Variants in SOX5 observed in about 807,000 individuals in gnomAD.
SOX5 encodes the protein SRY-box transcription factor 5.
In SOX5, 9 loss-of-function variants were observed where a neutral mutation model predicts 92.0. The ratio of observed to expected loss-of-function variants is 0.10; its 90% confidence interval spans 0.06 to 0.17. The LOEUF (loss-of-function observed/expected upper bound fraction) is 0.17, where lower values mean the gene tolerates loss of function less well. SOX5 is among the 10% of genes least tolerant of loss of function. The pLI is 1.00. For missense variants in SOX5, 642 were observed against 944.5 expected (o/e 0.68, Z 4.20); for synonymous variants, 344 against 336.3 (o/e 1.02, Z -0.25).
chr12:23,810,973 G>GGGC (rs1333200925), intron 3 of SOX5, among the ~76,000 whole-genome samples: 3 of 151,994 alleles, frequency 2.0e-5, no homozygotes, highest in Non-Finnish European at 4.4e-5. Flanking sequence ...CATTTCAAAT[G>GGGC]GTTGCCAAAA....
chr12:24,163,045 C>T (rs1262576256), intron 4 of SOX5, among the ~76,000 whole-genome samples: 1 of 152,040 alleles, frequency 6.6e-6, no homozygotes, highest in African/African-American at 2.4e-5. Flanking sequence ...GCCCTAAGGA[C>T]GTAAGCTGGA....
chr12:23,920,184 C>T (rs1317209778), intron 1 of SOX5: 6 of 152,056 alleles, frequency 3.9e-5, no homozygotes, highest in African/African-American at 9.7e-5. Context: ...TAATAAACTT[C>T]GAAATAGAAA....
intron 3 of SOX5, among the ~76,000 whole-genome samples, chr12:24,266,621 T>C (rs758009469): frequency 1.3e-4 from 20 of 152,248 alleles, no homozygotes; most frequent in Non-Finnish European, 1.9e-4. Flanking sequence ...AACTTCCTCC[T>C]ATTAACTGAA....
intron 4 of SOX5, among the ~76,000 whole-genome samples, chr12:24,198,009 T>C (rs963598578): frequency 2.0e-5 from 3 of 152,204 alleles, no homozygotes; most frequent in Non-Finnish European, 4.4e-5. Flanking sequence ...CTCAAAGGGC[T>C]GCACTGAGAA....
chr12:23,840,568 C>G (rs2096499705), intron 3 of SOX5, among the ~76,000 whole-genome samples: 1 of 152,010 alleles, frequency 6.6e-6, no homozygotes, highest in Non-Finnish European at 1.5e-5. Flanking sequence ...CTGACACTAC[C>G]CAACTTCAAG....
At chr12:23,554,297 G>T (rs893390130) in intron 11 of SOX5, among the ~76,000 whole-genome samples, 2 of 152,048 alleles carry the variant, frequency 1.3e-5, no homozygotes, top group African/African-American at 4.8e-5. Flanking sequence ...GAAAAATAAA[G>T]AATTGGAAAA....
At chr12:24,078,120 G>A (rs1298090412) in intron 4 of SOX5, among the ~76,000 whole-genome samples, 1 of 151,818 alleles carries the variant, frequency 6.6e-6, no homozygotes, top group Non-Finnish European at 1.5e-5. Context: ...ACTATTAATT[G>A]TATTTTACTG....
chr12:23,675,799 G>A (rs1424469083), intron 6 of SOX5, among the ~76,000 whole-genome samples: 1 of 152,116 alleles, frequency 6.6e-6, no homozygotes, highest in Non-Finnish European at 1.5e-5. Flanking sequence ...TGGGGTTAAT[G>A]TCCAAACCAT....
intron 1 of SOX5, among the ~76,000 whole-genome samples, chr12:23,926,665 CACAT>C (rs1292793899): frequency 6.6e-6 from 1 of 151,994 alleles, no homozygotes; most frequent in Non-Finnish European, 1.5e-5. Flanking sequence ...AAAGAACTGA[CACAT>C]ACATTTTTGT....
At chr12:24,053,708 C>T (rs1957821860) in intron 4 of SOX5, among the ~76,000 whole-genome samples, 1 of 152,216 alleles carries the variant, frequency 6.6e-6, no homozygotes, top group South Asian at 2.1e-4. Flanking sequence ...CAAATTGCTG[C>T]ACCTCATGTC....
chr12:23,939,623 A>G (rs1267365268), intron 1 of SOX5, among the ~76,000 whole-genome samples: 1 of 150,890 alleles, frequency 6.6e-6, no homozygotes, highest in Non-Finnish European at 1.5e-5. Flanking sequence ...GATAATGCGG[A>G]AGGACCTTAG....
chr12:23,863,700 T>C (rs2096780008), intron 2 of SOX5, among the ~76,000 whole-genome samples: 1 of 152,088 alleles, frequency 6.6e-6, no homozygotes, highest in Non-Finnish European at 1.5e-5. Flanking sequence ...CTACTTATAA[T>C]TGGCTACATC....
chr12:23,824,263 T>G (rs1439452976), intron 3 of SOX5, among the ~76,000 whole-genome samples: 1 of 152,238 alleles, frequency 6.6e-6, no homozygotes, highest in African/African-American at 2.4e-5. Flanking sequence ...TTTATGTACC[T>G]GTGGTCTTTG....
intron 4 of SOX5, among the ~76,000 whole-genome samples, chr12:23,999,017 G>T (rs1400532601): frequency 6.6e-6 from 1 of 151,760 alleles, no homozygotes; most frequent in Admixed American, 6.6e-5. Flanking sequence ...AGCACCAAGA[G>T]GAAAATAACT....
intron 1 of SOX5, among the ~76,000 whole-genome samples, chr12:24,479,994 G>C (rs1383544943): frequency 6.6e-6 from 1 of 152,152 alleles, no homozygotes; most frequent in Non-Finnish European, 1.5e-5. Flanking sequence ...AACCATAATA[G>C]TTAATGCTTA....
chr12:23,577,193 T>TATATA (rs1391132741), intron 9 of SOX5, among the ~76,000 whole-genome samples: 2,439 of 52,478 alleles, frequency 0.046, 64 homozygotes, highest in Non-Finnish European at 0.065. Flanking sequence ...ATATATATAT[T>TATATA]TTTTTTTTTT....
intron 4 of SOX5, among the ~76,000 whole-genome samples, chr12:24,180,993 G>T (rs767261937): frequency 2.6e-5 from 4 of 152,102 alleles, no homozygotes; most frequent in Non-Finnish European, 4.4e-5. Flanking sequence ...AATGATTCTG[G>T]TGTTTAAAGA....
At chr12:24,499,435 C>T (rs1947967508) in intron 1 of SOX5, among the ~76,000 whole-genome samples, 1 of 152,128 alleles carries the variant, frequency 6.6e-6, no homozygotes, top group African/African-American at 2.4e-5. Flanking sequence ...GCTATGCGCA[C>T]CGCAAGGAAA....
At chr12:23,915,798 T>G (rs914528505) in intron 1 of SOX5, among the ~76,000 whole-genome samples, 1 of 152,210 alleles carries the variant, frequency 6.6e-6, no homozygotes, top group African/African-American at 2.4e-5. Context: ...TCAGTCATTG[T>G]GAAAGTTTCA....
Sources: gnomAD v4.1 joint callset for allele counts (sites outside exome capture counted in the v4.1 genomes callset) on GRCh38, gnomAD v4.1.1 for gene constraint, MANE v1.5 for transcripts, NCBI Gene and HGNC (gene_info 2026-07-23, HGNC 2026-07-21) for gene names.